The following TTLL5 variants were observed in gnomAD, a reference collection of about 807,000 sequenced individuals.
TTLL5 encodes tubulin tyrosine ligase like 5.
TTLL5 carries 132 observed loss-of-function variants against 168.4 expected under a neutral mutation model. The ratio of observed to expected loss-of-function variants is 0.78; its 90% CI spans 0.68 to 0.91. TTLL5 has a LOEUF of 0.91. TTLL5 is among the 40% of genes least tolerant of loss of function. The probability of loss-of-function intolerance (pLI) is 0.00; values close to 1 mark genes in which losing one functional copy is unlikely to be tolerated. For synonymous variants in TTLL5, 546 were observed against 558.6 expected (o/e 0.98, Z 0.32); for missense variants, 1,545 against 1,581.5 (o/e 0.98, Z 0.39).
At chr14:75,884,380 C>T (rs902365789) in intron 30 of TTLL5, among the ~76,000 whole-genome samples, 3 of 152,196 alleles carry the variant, frequency 2.0e-5, no homozygotes, top group Non-Finnish European at 4.4e-5. Context: ...GGCGGCAGGG[C>T]TGGACATTTG....
chr14:75,768,948 G>A (rs751290725), intron 20 of TTLL5, among the ~76,000 whole-genome samples: 4 of 152,168 alleles, frequency 2.6e-5, no homozygotes, highest in Non-Finnish European at 4.4e-5. Flanking sequence ...ACAAGTCAAA[G>A]AGCTTCTATA....
intron 15 of TTLL5, among the ~76,000 whole-genome samples, chr14:75,738,502 T>C (rs768964557): frequency 6.6e-6 from 1 of 152,238 alleles, no homozygotes; most frequent in Non-Finnish European, 1.5e-5. Flanking sequence ...AATAACTTAC[T>C]GGATGCCTTG....
chr14:75,777,596 G>A (rs542701228), intron 23 of TTLL5, among the ~76,000 whole-genome samples: 6 of 152,182 alleles, frequency 3.9e-5, no homozygotes, highest in East Asian at 3.9e-4. Context: ...TACACTGGAG[G>A]ATTTTTTTCT....
chr14:75,733,033 C>CTA (rs1304455052), intron 13 of TTLL5, among the ~76,000 whole-genome samples: 1 of 152,206 alleles, frequency 6.6e-6, no homozygotes, highest in African/African-American at 2.4e-5. Context: ...ACTGAGAACT[C>CTA]TAGAGATTTA....
At chr14:75,818,509 A>G (rs781148181) in intron 27 of TTLL5, 30 of 369,566 alleles carry the variant, frequency 8.1e-5, no homozygotes, top group East Asian at 1.0e-4. Flanking sequence ...TTTTTTTGAG[A>G]TGGAGTCTCA....
intron 20 of TTLL5, 54 bp downstream of exon 20, chr14:75,766,422 G>A: frequency 6.9e-7 from 1 of 1,456,652 alleles, no homozygotes; most frequent in Non-Finnish European, 9.2e-7. Context: ...AACTTGTACT[G>A]TGTACCAGCT....
chr14:75,926,605 A>G (rs2034079856), intron 31 of TTLL5, among the ~76,000 whole-genome samples: 1 of 152,242 alleles, frequency 6.6e-6, no homozygotes, highest in Non-Finnish European at 1.5e-5. Flanking sequence ...GATCAAAACC[A>G]CAGTAAATGC....
At chr14:75,716,597 G>A (rs1456342649) in intron 9 of TTLL5, among the ~76,000 whole-genome samples, 2 of 152,002 alleles carry the variant, frequency 1.3e-5, no homozygotes, top group African/African-American at 2.4e-5. Flanking sequence ...TAAACTTGTG[G>A]CCTTCTTTTT....
intron 18 of TTLL5, among the ~76,000 whole-genome samples, chr14:75,756,424 G>A (rs1358536885): frequency 6.6e-6 from 1 of 152,082 alleles, no homozygotes; most frequent in Non-Finnish European, 1.5e-5. Flanking sequence ...TATCTTTTCT[G>A]TGGTGGATAC....
intron 28 of TTLL5, among the ~76,000 whole-genome samples, chr14:75,822,216 T>TCCTCCTTTAGTCGTAAGGATGA (rs1212148356): frequency 6.6e-6 from 1 of 152,210 alleles, no homozygotes; most frequent in Non-Finnish European, 1.5e-5. Flanking sequence ...CTCTTGTTGT[T>TCCTCCTTTAGTCGTAAGGATGA]CCTCCTTTAG....
intron 27 of TTLL5, among the ~76,000 whole-genome samples, chr14:75,803,648 T>C (rs1893471335): frequency 6.6e-6 from 1 of 152,162 alleles, no homozygotes; most frequent in East Asian, 1.9e-4. Context: ...TTTGGAAATC[T>C]ATGTGTATGT....
At chr14:75,849,028 G>T (rs1042342078) in intron 28 of TTLL5, among the ~76,000 whole-genome samples, 1 of 152,140 alleles carries the variant, frequency 6.6e-6, no homozygotes, top group African/African-American at 2.4e-5. Flanking sequence ...GGTCCAGCTG[G>T]CTGGAATCTC....
At chr14:75,746,214 A>G (rs1007513398) in intron 17 of TTLL5, among the ~76,000 whole-genome samples, 2 of 152,144 alleles carry the variant, frequency 1.3e-5, no homozygotes, top group Non-Finnish European at 2.9e-5. Flanking sequence ...AGTGTTTTTC[A>G]TATTCATATG....
At chr14:75,706,459 T>C (rs1886666334) in intron 7 of TTLL5, among the ~76,000 whole-genome samples, 1 of 152,224 alleles carries the variant, frequency 6.6e-6, no homozygotes. Context: ...TGAAGAAATC[T>C]TTTAAAGACC....
rs771577264 is a variant in TTLL5 at position 75,720,592 on chromosome 14, G to A, written c.935-4G>A. 6.2e-7 allele frequency: 1 copy of A among 1,611,008 alleles called. No homozygotes were observed. The highest frequency in any genetic ancestry group is 2.2e-5 in the East Asian group (1 of 44,842). On this transcript the variant is annotated splice_region_variant and splice_polypyrimidine_tract_variant and intron_variant, in intron 11 of 31. Transcript: ENST00000298832. The stretch of plus-strand genomic sequence containing the variant: ...GTCTGAAATTTAAAAATTTTTGTTT[G>A]CAGCATTGATGGCCCATGTAGAAGA...
At chr14:75,949,475 A>G (rs1365365260) in intron 31 of TTLL5, among the ~76,000 whole-genome samples, 2 of 134,898 alleles carry the variant, frequency 1.5e-5, no homozygotes, top group African/African-American at 5.5e-5. Context: ...ATAACCTTAT[A>G]TAAAGAATAT....
intron 27 of TTLL5, among the ~76,000 whole-genome samples, chr14:75,802,148 T>A (rs1174501912): frequency 2.6e-5 from 4 of 152,180 alleles, no homozygotes; most frequent in Non-Finnish European, 5.9e-5. Context: ...ATATGTTTAT[T>A]CATTCTATTG....
At chr14:75,794,630 T>C (rs764039058) in intron 27 of TTLL5, among the ~76,000 whole-genome samples, 2 of 152,168 alleles carry the variant, frequency 1.3e-5, no homozygotes, top group East Asian at 1.9e-4. Context: ...TATAAAGAAC[T>C]TCAGTGCCAG....
At chr14:75,920,364 A>G (rs1399557844) in intron 31 of TTLL5, among the ~76,000 whole-genome samples, 1 of 151,906 alleles carries the variant, frequency 6.6e-6, no homozygotes, top group African/African-American at 2.4e-5. Context: ...TGCTGCACCC[A>G]TCATATTTCT....
Sources: allele counts gnomAD v4.1 joint callset (sites outside exome capture counted in the v4.1 genomes callset), GRCh38; gene constraint gnomAD v4.1.1; transcripts MANE v1.5; gene names NCBI Gene and HGNC (gene_info 2026-07-23, HGNC 2026-07-21).